The following KIF5C variants were observed in gnomAD, a reference collection of about 807,000 sequenced individuals.
KIF5C encodes the protein kinesin heavy chain isoform 5C.
In KIF5C, 18 loss-of-function variants were observed where a neutral mutation model predicts 125.2. That is an observed-to-expected ratio of 0.14 (90% CI 0.10 to 0.21). The LOEUF (loss-of-function observed/expected upper bound fraction) is 0.21, where lower values mean the gene tolerates loss of function less well. Ranked by LOEUF, KIF5C falls within the 10% of genes least tolerant of loss-of-function variation. KIF5C has a pLI of 1.00. For synonymous variants in KIF5C, 405 were observed against 434.0 expected (o/e 0.93, Z 0.83); for missense variants, 780 against 1,183.8 (o/e 0.66, Z 5.01).
chr2:148,977,126 G>A (rs1194483340), intron 12 of KIF5C, among the ~76,000 whole-genome samples: 2 of 152,204 alleles, frequency 1.3e-5, no homozygotes, highest in African/African-American at 2.4e-5. Flanking sequence ...TTAATAAAGG[G>A]TAAATATAGT....
At chr2:148,890,406 C>A (rs773585307) in intron 1 of KIF5C, among the ~76,000 whole-genome samples, 7 of 151,940 alleles carry the variant, frequency 4.6e-5, no homozygotes, top group Non-Finnish European at 8.8e-5. Flanking sequence ...GAGGCTGAAG[C>A]AGGAAGATCA....
chr2:149,017,268 T>C (rs57236863), intron 25 of KIF5C, among the ~76,000 whole-genome samples: 7,748 of 152,186 alleles, frequency 0.051, 478 homozygotes, highest in African/African-American at 0.15. Context: ...GAAGCACAGC[T>C]GTGGGTGGGC....
chr2:148,926,869 T>A (rs1026024000), intron 2 of KIF5C, among the ~76,000 whole-genome samples: 3 of 152,192 alleles, frequency 2.0e-5, no homozygotes, highest in African/African-American at 7.2e-5. Flanking sequence ...TCTGCAGCAG[T>A]GAATGAACTG....
intron 21 of KIF5C, among the ~76,000 whole-genome samples, chr2:149,003,327 G>A (rs1450725356): frequency 6.6e-6 from 1 of 152,280 alleles, no homozygotes; most frequent in East Asian, 1.9e-4. Context: ...TGGCCAGGGG[G>A]TGAATGCCCG....
intron 10 of KIF5C, among the ~76,000 whole-genome samples, chr2:148,960,503 T>C (rs1682900554): frequency 6.6e-6 from 1 of 152,190 alleles, no homozygotes; most frequent in South Asian, 2.1e-4. Context: ...AAAGTAGTAA[T>C]AAAATTGCTG....
intron 1 of KIF5C, chr2:148,885,502 C>T (rs1456504666): frequency 6.6e-6 from 1 of 152,212 alleles, no homozygotes; most frequent in Admixed American, 6.5e-5. Context: ...TGGAGCAATC[C>T]TCTTAAGTGT....
intron 15 of KIF5C, among the ~76,000 whole-genome samples, chr2:148,989,179 T>C (rs1273792393): frequency 6.6e-6 from 1 of 152,160 alleles, no homozygotes; most frequent in Non-Finnish European, 1.5e-5. Context: ...TGTGTCCTCA[T>C]AGCTAGCTCC....
In KIF5C at chr2:148,950,305, C is replaced by A. The variant is rs370222109; in HGVS notation, c.820-9C>A. 3.1e-5 allele frequency: 50 copies of A among 1,611,078 alleles called. No individual in the cohort carries two copies. Among genetic ancestry groups the A allele is most frequent in the Non-Finnish European group, 4.1e-5 (48 of 1,178,482 alleles). ...TGTCAAAACCAATACTTTTTCTTTT[C>A]CTAAATAGAAAACACATGTGCCATA... On this transcript the variant is annotated splice_polypyrimidine_tract_variant and intron_variant, in intron 9 of 25. Transcript: ENST00000435030.
chr2:148,907,859 C>A (rs1004407765), intron 1 of KIF5C, among the ~76,000 whole-genome samples: 2 of 152,180 alleles, frequency 1.3e-5, no homozygotes, highest in Non-Finnish European at 2.9e-5. Flanking sequence ...GGGACATACC[C>A]GGGACAGTCA....
chr2:148,887,887 G>A (rs1681589086), intron 1 of KIF5C, among the ~76,000 whole-genome samples: 1 of 151,074 alleles, frequency 6.6e-6, no homozygotes, highest in Admixed American at 6.6e-5. Context: ...TTTGCGTTTT[G>A]AATGTTGTTG....
chr2:148,941,752 G>T, intron 5 of KIF5C, 94 bp downstream of exon 5: 1 of 1,500,728 alleles, frequency 6.7e-7, no homozygotes, highest in Non-Finnish European at 8.9e-7. Flanking sequence ...AGGAATTAAT[G>T]AAAATTTATA....
intron 1 of KIF5C, among the ~76,000 whole-genome samples, chr2:148,900,934 G>A (rs921792712): frequency 5.3e-5 from 8 of 152,236 alleles, no homozygotes; most frequent in African/African-American, 1.4e-4. Context: ...ATGAACATTC[G>A]TTGCTGCTCT....
chr2:148,915,948 C>T lies in KIF5C; in HGVS notation c.127-6189C>T, dbSNP rs558407855. Among the ~76,000 whole-genome samples the T allele has an allele frequency of 2.6e-5, 4 of 152,312 alleles. No individual in the cohort carries two copies. The South Asian group carries it at 8.3e-4, about 32-fold the overall frequency. On this transcript the variant is annotated intron_variant, in intron 1 of 25. Coordinates refer to ENST00000435030, the MANE Select transcript of KIF5C (RefSeq NM_004522.3). ...GGGCATGGGAGCTAAAGTATTGACCCCCCAACTCTTAATAGCCATTGACTA... is the reference window on the plus strand; with the variant it reads ...GGGCATGGGAGCTAAAGTATTGACCTCCCAACTCTTAATAGCCATTGACTA...
intron 22 of KIF5C, 122 bp from the exon 23 acceptor site, chr2:149,007,841 T>A: frequency 1.7e-6 from 2 of 1,158,184 alleles, no homozygotes; most frequent in Non-Finnish European, 1.1e-6. Context: ...TTAGAACCTC[T>A]ATTTTCACTT....
chr2:148,983,866 G>T (rs139304762), intron 15 of KIF5C, 100 bp downstream of exon 15: 5 of 1,321,296 alleles, frequency 3.8e-6, no homozygotes, highest in Non-Finnish European at 4.9e-6. Flanking sequence ...ACTGTGCTTT[G>T]CATCTGCCAT....
chr2:148,930,957 C>T (rs928845478), intron 3 of KIF5C, among the ~76,000 whole-genome samples: 7 of 152,138 alleles, frequency 4.6e-5, no homozygotes, highest in African/African-American at 1.7e-4. Flanking sequence ...CGACTCTTGA[C>T]CTTGAGACTA....
intron 15 of KIF5C, among the ~76,000 whole-genome samples, chr2:148,990,467 C>T (rs1392125630): frequency 3.3e-5 from 5 of 152,112 alleles, no homozygotes; most frequent in Admixed American, 6.5e-5. Context: ...CTTATTTATT[C>T]GATTTTCTGT....
intron 1 of KIF5C, among the ~76,000 whole-genome samples, chr2:148,903,912 C>G (rs1008864883): frequency 6.6e-6 from 1 of 152,050 alleles, no homozygotes; most frequent in African/African-American, 2.4e-5. Context: ...AAGATTTGGG[C>G]AGGATGGTTT....
At chr2:148,998,165 G>C (rs1474266127) in intron 18 of KIF5C, 1 of 599,786 alleles carries the variant, frequency 1.7e-6, no homozygotes, top group Non-Finnish European at 2.9e-6. Context: ...TTTTTATTTA[G>C]TTGGTGGGCT....
Sources: gnomAD v4.1 joint callset for allele counts (sites outside exome capture counted in the v4.1 genomes callset) on GRCh38, gnomAD v4.1.1 for gene constraint, MANE v1.5 for transcripts, NCBI Gene and HGNC (gene_info 2026-07-23, HGNC 2026-07-21) for gene names.